The following TMEM161B variants were observed in gnomAD, a reference collection of about 807,000 sequenced individuals.
TMEM161B encodes transmembrane protein 161B.
A neutral mutation model predicts 61.8 loss-of-function variants in TMEM161B; 34 were observed. That is an observed-to-expected ratio of 0.55 (90% CI 0.42 to 0.73). The LOEUF (loss-of-function observed/expected upper bound fraction) is 0.73. TMEM161B is among the 30% of genes least tolerant of loss of function. The pLI is 0.00. For missense variants in TMEM161B, 456 were observed against 558.5 expected (o/e 0.82, Z 1.85); for synonymous variants, 167 against 192.8 (o/e 0.87, Z 1.11).
chr5:88,257,342 A>C (rs1306595296), intron 1 of TMEM161B, among the ~76,000 whole-genome samples: 2 of 152,218 alleles, frequency 1.3e-5, no homozygotes, highest in Non-Finnish European at 2.9e-5. Flanking sequence ...AACTTTGCTC[A>C]AAGTGCACTG....
chr5:88,245,694 C>T (rs773609898), intron 1 of TMEM161B, among the ~76,000 whole-genome samples: 14 of 152,088 alleles, frequency 9.2e-5, no homozygotes, highest in Admixed American at 5.9e-4. Flanking sequence ...CTGGAAGATA[C>T]ATATGAGGCA....
chr5:88,203,751 AT>A (rs1744857331), intron 8 of TMEM161B, among the ~76,000 whole-genome samples: 1 of 100 alleles, frequency 0.01, no homozygotes, highest in African/African-American at 0.019. Flanking sequence ...TTTCCCTATC[AT>A]ATATATATAT....
At chr5:88,197,259 G>A (rs1190469123) in intron 11 of TMEM161B, among the ~76,000 whole-genome samples, 1 of 152,140 alleles carries the variant, frequency 6.6e-6, no homozygotes, top group Non-Finnish European at 1.5e-5. Context: ...CCGTTTCGAT[G>A]TAAGTTATCT....
chr5:88,209,377 T>C (rs1249002931), intron 5 of TMEM161B, among the ~76,000 whole-genome samples: 1 of 152,182 alleles, frequency 6.6e-6, no homozygotes, highest in East Asian at 1.9e-4. Flanking sequence ...ATTTCCAACT[T>C]CTTTTCTTAC....
At chr5:88,257,555 G>A (rs888627296) in intron 1 of TMEM161B, among the ~76,000 whole-genome samples, 1 of 152,116 alleles carries the variant, frequency 6.6e-6, no homozygotes, top group Non-Finnish European at 1.5e-5. Context: ...CTCTCCCTGG[G>A]ATTCTTTCCT....
chr5:88,220,229 G>GTTCTC (rs1223120942), intron 5 of TMEM161B, among the ~76,000 whole-genome samples: 1 of 151,954 alleles, frequency 6.6e-6, no homozygotes, highest in Non-Finnish European at 1.5e-5. Flanking sequence ...AAAGGGAAGA[G>GTTCTC]GGAGAAAGGT....
At chr5:88,265,299 T>C (rs1374266861) in intron 1 of TMEM161B, among the ~76,000 whole-genome samples, 1 of 152,190 alleles carries the variant, frequency 6.6e-6, no homozygotes, top group African/African-American at 2.4e-5. Flanking sequence ...CCCCAGGGAC[T>C]GGTTTCATGG....
intron 5 of TMEM161B, among the ~76,000 whole-genome samples, chr5:88,217,956 CACGGGAAGATA>C (rs1748211624): frequency 6.8e-6 from 1 of 147,568 alleles, no homozygotes; most frequent in Non-Finnish European, 1.5e-5. Flanking sequence ...CTTAAATAGA[CACGGGAAGATA>C]ATGTAATCAT....
At chr5:88,263,276 A>G (rs549527588) in intron 1 of TMEM161B, among the ~76,000 whole-genome samples, 1 of 152,114 alleles carries the variant, frequency 6.6e-6, no homozygotes, top group Non-Finnish European at 1.5e-5. Context: ...TAAATGTATC[A>G]CAACTGACAT....
downstream of TMEM161B, among the ~76,000 whole-genome samples, chr5:88,192,026 A>G (rs1379427205): frequency 7.4e-5 from 5 of 67,400 alleles, no homozygotes; most frequent in Admixed American, 8.7e-4. Context: ...ATATATATAT[A>G]TGTATATAGC....
intron 2 of TMEM161B, among the ~76,000 whole-genome samples, chr5:88,234,249 G>A (rs961595233): frequency 2.0e-5 from 3 of 152,170 alleles, no homozygotes; most frequent in Admixed American, 6.5e-5. Context: ...CATTTAACCA[G>A]AGTTGTGGTT....
In TMEM161B at chr5:88,220,579, C is replaced by G; in HGVS notation, c.430G>C (p.Val144Leu). The change falls in exon 5 of 12, where the codon GTT becomes CTT. Residue 144 changes from valine to leucine, a missense_variant. Coordinates refer to ENST00000296595, the MANE Select transcript of TMEM161B (RefSeq NM_153354.5). ...MNISLVWCLL[V>L]LSFAIKVLFS... ...GAAGGATACATTGCAAAAGACAAAACAAGTAGGCACCAGACTAAGCTGATA... is the reference window on the plus strand; with the variant it reads ...GAAGGATACATTGCAAAAGACAAAAGAAGTAGGCACCAGACTAAGCTGATA... 1.3e-6 allele frequency: 2 copies of G among 1,571,822 alleles called. No homozygotes were observed. Among genetic ancestry groups the G allele is most frequent in the Non-Finnish European group, 1.7e-6 (2 of 1,166,122 alleles).
intron 1 of TMEM161B, 133 bp downstream of exon 1, chr5:88,268,588 G>T: frequency 8.0e-7 from 1 of 1,254,660 alleles, no homozygotes; most frequent in East Asian, 2.4e-5. Context: ...TAGGTGGTGG[G>T]TCCTACCCAG....
intron 10 of TMEM161B, 127 bp downstream of exon 10, chr5:88,198,849 T>C (rs1750157502): frequency 3.5e-6 from 3 of 852,090 alleles, no homozygotes; most frequent in South Asian, 4.0e-5. Flanking sequence ...CAACTTAAGA[T>C]TGTTCTGTTT....
rs1749527286 is a variant in TMEM161B, at chr5:88,195,789, A to G, written c.*422T>C. ...AGACTTTAGCCCCTTTCCCTCCCCT[A>G]AAGCATGGCTCAGTTTGAAGATTGT... On this transcript the variant is annotated 3_prime_UTR_variant, in exon 12 of 12. Coordinates refer to ENST00000296595, the MANE Select transcript of TMEM161B (RefSeq NM_153354.5). 2 of 989,752 alleles carry G rather than the reference A, an allele frequency of 2.0e-6. No homozygotes were observed. The highest frequency in any genetic ancestry group is 2.4e-6 in the Non-Finnish European group (2 of 832,800). The allele number at this position is 989,752 out of a possible 1,614,324, so 61.3% of individuals were successfully genotyped here.
At chr5:88,190,119 G>T, downstream of TMEM161B, 1 of 700,906 alleles carries the variant, frequency 1.4e-6, no homozygotes, top group Non-Finnish European at 2.6e-6. Flanking sequence ...CACCCACCCA[G>T]AGAAGGTACA....
intron 4 of TMEM161B, among the ~76,000 whole-genome samples, chr5:88,222,758 A>C (rs1210572357): frequency 6.6e-6 from 1 of 152,196 alleles, no homozygotes; most frequent in African/African-American, 2.4e-5. Flanking sequence ...TTGGGACATC[A>C]ATAATATATA....
At chr5:88,203,904 G>A (rs1327823349) in intron 8 of TMEM161B, among the ~76,000 whole-genome samples, 1 of 149,752 alleles carries the variant, frequency 6.7e-6, no homozygotes, top group Non-Finnish European at 1.5e-5. Flanking sequence ...GTCCAAGTTT[G>A]TATCCTACAG....
At chr5:88,223,828 G>T (rs1337172676) in intron 4 of TMEM161B, among the ~76,000 whole-genome samples, 3 of 151,954 alleles carry the variant, frequency 2.0e-5, no homozygotes, top group Non-Finnish European at 4.4e-5. Context: ...GGTGGAGCTT[G>T]CAGTGAGCCA....
Sources: gnomAD v4.1 joint callset for allele counts (sites outside exome capture counted in the v4.1 genomes callset) on GRCh38, gnomAD v4.1.1 for gene constraint, MANE v1.5 for transcripts, NCBI Gene and HGNC (gene_info 2026-07-23, HGNC 2026-07-21) for gene names.